The following RICTOR variants were observed in gnomAD, a reference collection of about 807,000 sequenced individuals.
RICTOR encodes rapamycin-insensitive companion of mTOR.
In RICTOR, 49 loss-of-function variants were observed where a neutral mutation model predicts 214.9. That is an observed-to-expected ratio of 0.23 (90% CI 0.18 to 0.29). The LOEUF (loss-of-function observed/expected upper bound fraction) is 0.29, where lower values mean the gene tolerates loss of function less well. Ranked by LOEUF, RICTOR falls within the 10% of genes least tolerant of loss-of-function variation. RICTOR has a pLI of 1.00. For synonymous variants in RICTOR, 717 were observed against 711.3 expected (o/e 1.01, Z -0.13); for missense variants, 1,625 against 2,047.0 (o/e 0.79, Z 3.98).
Position 38,938,026 on chromosome 5 carries a change from CAAG to C in RICTOR, c.*4275_*4277del, listed in dbSNP as rs2112736764. On this transcript the variant is annotated 3_prime_UTR_variant, in exon 38 of 38. Coordinates refer to ENST00000357387, the MANE Select transcript of RICTOR (RefSeq NM_152756.5). ...ATAAACTATACACATTATACAAAAA[CAAG>C]AAAATCACAACAAAAAAAATCAAGG... 5.0e-6 allele frequency: 1 copy of C among 201,530 alleles called. No individual in the cohort carries two copies. Among genetic ancestry groups the C allele is most frequent in the South Asian group, 1.9e-4 (1 of 5,244 alleles). The allele number at this position is 201,530 out of a possible 1,614,324, so 12.5% of individuals were successfully genotyped here.
chr5:39,030,632 G>T (rs1432539156), intron 2 of RICTOR, among the ~76,000 whole-genome samples: 1 of 152,130 alleles, frequency 6.6e-6, no homozygotes, highest in Non-Finnish European at 1.5e-5. Flanking sequence ...AAGATTCTAT[G>T]AAGAGTTTTA....
At chr5:39,020,854 A>C (rs1755366601) in intron 3 of RICTOR, among the ~76,000 whole-genome samples, 185 bp downstream of exon 3, 2 of 152,240 alleles carry the variant, frequency 1.3e-5, no homozygotes, top group African/African-American at 4.8e-5. Flanking sequence ...ACAAAGATAT[A>C]ATTCTTCTAT....
intron 2 of RICTOR, among the ~76,000 whole-genome samples, chr5:39,032,674 C>T (rs112957915): frequency 2.0e-5 from 3 of 152,276 alleles, no homozygotes; most frequent in African/African-American, 7.2e-5. Context: ...AAAAGAGGTT[C>T]ATGAGCAGAA....
Position 38,975,560 on chromosome 5 carries a change from A to G in RICTOR, c.866T>C (p.Ile289Thr). The change falls in exon 10 of 38, where the codon ATA becomes ACA. Residue 289 changes from isoleucine to threonine, a missense_variant. Physicochemically the swap from Ile to Thr is moderately conservative, Grantham distance 89. Around this residue, in one of 5 missense-constraint regions of RICTOR, gnomAD observed 258 missense variants for 393.7 expected, o/e 0.66. Coordinates refer to ENST00000357387, the MANE Select transcript of RICTOR (RefSeq NM_152756.5). The part of the protein sequence containing the change: ...ARFLASKMGI[I>T]ATFRSWAGII... ...ACCTGCCCATGATCGGAATGTTGCTATGATTCCCATTTTACTGGCTAGAAA... is the reference window on the plus strand; with the variant it reads ...ACCTGCCCATGATCGGAATGTTGCTGTGATTCCCATTTTACTGGCTAGAAA... 1 of 1,613,746 alleles carries G rather than the reference A, an allele frequency of 6.2e-7. No homozygotes were observed. Among genetic ancestry groups the G allele is most frequent in the Non-Finnish European group, 8.5e-7 (1 of 1,179,740 alleles).
Position 39,073,274 on chromosome 5 carries a change from G to C in RICTOR, c.97+837C>G, listed in dbSNP as rs1253600246. Reference sequence around the variant, plus strand: ...GCTCAATCCTGTTTACCGTGGAAGAGAAAAGAATCTTGTACGTAACTACTA... The same window carrying C: ...GCTCAATCCTGTTTACCGTGGAAGACAAAAGAATCTTGTACGTAACTACTA... On this transcript the variant is annotated intron_variant, in intron 2 of 37. Transcript: ENST00000357387. 6.6e-5 allele frequency among the ~76,000 whole-genome samples: 10 copies of C among 152,200 alleles called. No homozygotes were observed. The East Asian group carries it at 1.9e-3, about 29-fold the overall frequency.
At chr5:39,047,252 G>C (rs1031545143) in intron 2 of RICTOR, among the ~76,000 whole-genome samples, 2 of 152,108 alleles carry the variant, frequency 1.3e-5, no homozygotes, top group African/African-American at 2.4e-5. Flanking sequence ...GGGTCAAGTG[G>C]GGGGGATGGT....
chr5:39,040,789 T>C (rs1757108741), intron 2 of RICTOR, among the ~76,000 whole-genome samples: 1 of 152,166 alleles, frequency 6.6e-6, no homozygotes, highest in African/African-American at 2.4e-5. Context: ...AATTTCTATG[T>C]TTTATTCAGT....
intron 2 of RICTOR, among the ~76,000 whole-genome samples, chr5:39,029,210 T>C (rs1756086662): frequency 6.6e-6 from 1 of 152,298 alleles, no homozygotes; most frequent in South Asian, 2.1e-4. Context: ...AATATGTACA[T>C]TTTATTTTGT....
intron 2 of RICTOR, among the ~76,000 whole-genome samples, chr5:39,053,306 T>C (rs1757970631): frequency 6.6e-6 from 1 of 152,180 alleles, no homozygotes; most frequent in African/African-American, 2.4e-5. Flanking sequence ...CAATTATACT[T>C]GTCATGGCAA....
intron 6 of RICTOR, among the ~76,000 whole-genome samples, chr5:38,994,740 TTAAA>T (rs1753057607): frequency 6.6e-6 from 1 of 152,182 alleles, no homozygotes; most frequent in South Asian, 2.1e-4. Context: ...AAAAACTACT[TTAAA>T]TTAAATTTTA....
intron 5 of RICTOR, among the ~76,000 whole-genome samples, chr5:39,002,216 TA>T (rs1753693074): frequency 1.5e-5 from 2 of 136,820 alleles, no homozygotes; most frequent in Non-Finnish European, 3.1e-5. Flanking sequence ...TCAAAGATAA[TA>T]ATGAGAAGAA....
In RICTOR at chr5:38,996,819, C is replaced by A; in HGVS notation, c.456G>T (p.Lys152Asn). 6.2e-7 allele frequency: 1 copy of A among 1,604,642 alleles called. No homozygotes were observed. The highest frequency in any genetic ancestry group is 1.1e-5 in the South Asian group (1 of 90,778). ...ERTQALRLVR[K>N]MITVNASLFP... Reference sequence around the variant, plus strand: ...TTTTACTCTCACACATAGAGCATACCTTTCTGACTAATCGAAGTGCTTGTG... The same window carrying A: ...TTTTACTCTCACACATAGAGCATACATTTCTGACTAATCGAAGTGCTTGTG... Residue 152 changes from lysine (K) to asparagine (N), a missense_variant and splice_region_variant, in exon 6 of 38, where the codon AAG becomes AAT. Physicochemically the swap from Lys to Asn is moderately conservative, Grantham distance 94 (BLOSUM62 0). This residue lies in a region of RICTOR where 258 missense variants were observed against 393.7 expected (regional missense o/e 0.66). Coordinates refer to ENST00000357387, the MANE Select transcript of RICTOR (RefSeq NM_152756.5).
intron 6 of RICTOR, among the ~76,000 whole-genome samples, chr5:38,995,585 G>A (rs1753120444): frequency 6.6e-6 from 1 of 151,554 alleles, no homozygotes; most frequent in Non-Finnish European, 1.5e-5. Context: ...AATAAAATAT[G>A]GTTTTCATAA....
chr5:38,963,225 C>G (rs1223074067), intron 16 of RICTOR, among the ~76,000 whole-genome samples, 184 bp from the exon 17 acceptor site: 2 of 151,932 alleles, frequency 1.3e-5, no homozygotes, highest in African/African-American at 2.4e-5. Flanking sequence ...TATAAAGACA[C>G]ACTGATTATT....
intron 2 of RICTOR, among the ~76,000 whole-genome samples, chr5:39,025,946 AG>A (rs1561545686): frequency 1.3e-5 from 2 of 152,190 alleles, no homozygotes; most frequent in Non-Finnish European, 2.9e-5. Flanking sequence ...TAAAGTAGTG[AG>A]CAAGCTGAGA....
At chr5:39,017,432 G>A (rs895978032) in intron 3 of RICTOR, among the ~76,000 whole-genome samples, 2 of 151,964 alleles carry the variant, frequency 1.3e-5, no homozygotes, top group Non-Finnish European at 2.9e-5. Flanking sequence ...CCACCATGTT[G>A]AAGAAAGATG....
chr5:38,979,753 T>C (rs1399458132), intron 8 of RICTOR, among the ~76,000 whole-genome samples: 1 of 152,184 alleles, frequency 6.6e-6, no homozygotes, highest in African/African-American at 2.4e-5. Context: ...GAGGGCTCAG[T>C]TCCTCCCTAT....
chr5:39,046,400 T>G (rs1028693879), intron 2 of RICTOR, among the ~76,000 whole-genome samples: 11 of 149,258 alleles, frequency 7.4e-5, no homozygotes, highest in Non-Finnish European at 1.3e-4. Context: ...AGAAGAAGAA[T>G]AAATGCTTTG....
chr5:38,992,500 T>C (rs1356102133), intron 6 of RICTOR, among the ~76,000 whole-genome samples: 2 of 152,274 alleles, frequency 1.3e-5, no homozygotes, highest in Non-Finnish European at 2.9e-5. Flanking sequence ...ATAAACTATG[T>C]TACCTTGGCT....
Sources: allele counts gnomAD v4.1 joint callset (sites outside exome capture counted in the v4.1 genomes callset), GRCh38; gene constraint gnomAD v4.1.1; regional missense constraint gnomAD v4.1.1; transcripts MANE v1.5; gene names NCBI Gene and HGNC (gene_info 2026-07-23, HGNC 2026-07-21).